RRAS2: variants seen among roughly 807,000 people sequenced by gnomAD.
RRAS2 encodes ras-related protein R-Ras2.
A neutral mutation model predicts 27.6 loss-of-function variants in RRAS2; 7 were observed. The observed-to-expected ratio is 0.25, with a 90% CI of 0.14 to 0.48. The LOEUF (loss-of-function observed/expected upper bound fraction) is 0.48, where lower values mean the gene tolerates loss of function less well. Among genes scored for constraint, RRAS2 ranks in the 20% least tolerant of loss-of-function variants. The pLI, the probability that RRAS2 is intolerant of heterozygous loss-of-function variation, is 0.99. For missense variants in RRAS2, 178 were observed against 256.2 expected, an observed-to-expected ratio of 0.69 and a Z score of 2.08; for synonymous variants, 86 against 90.9, an observed-to-expected ratio of 0.95 and a Z score of 0.31.
chr11:14,358,371 G>A lies in RRAS2; in HGVS notation c.108+392C>T, dbSNP rs868977984. ...GGTGAAGGCGCGGCCGCAGGCGGCT[G>A]GAAAAGCAGCGCGCGGGGCTCCAGC... On this transcript the variant is annotated intron_variant, in intron 1 of 5. Coordinates refer to ENST00000256196, the MANE Select transcript of RRAS2 (RefSeq NM_012250.6). This position sits in a 1 kb window ranked among gnomAD's most constrained non-coding sequence, Gnocchi z 5.1. 5 of 985,290 alleles carry A rather than the reference G, an allele frequency of 5.1e-6. No homozygotes were observed. The highest frequency in any genetic ancestry group is 5.2e-4 in the Middle Eastern group (1 of 1,936). The allele number at this position is 985,290 out of a possible 1,614,324, so 61.0% of individuals were successfully genotyped here.
intron 2 of RRAS2, among the ~76,000 whole-genome samples, chr11:14,295,093 A>C (rs1847509777): frequency 6.6e-6 from 1 of 152,228 alleles, no homozygotes; most frequent in African/African-American, 2.4e-5. Context: ...GTTAGAATAT[A>C]TTAGCACACT....
chr11:14,294,229 T>C (rs899179057), intron 4 of RRAS2, among the ~76,000 whole-genome samples: 10 of 152,242 alleles, frequency 6.6e-5, no homozygotes, highest in African/African-American at 2.2e-4. Context: ...TAAAGTCTTA[T>C]AAAATTTTAT....
At position 14,329,900 on chromosome 11, in the gene RRAS2, T is replaced by C. The variant is rs1431375; in HGVS notation, c.108+28863A>G. ...GCCTGAGCAACATAGTGAGACTTCA[T>C]CTCTATAAATAAAAATAAAAATAAA... On this transcript the variant is annotated intron_variant, in intron 1 of 5. Transcript: ENST00000256196. 9.0e-3 allele frequency among the ~76,000 whole-genome samples: 1,366 copies of C among 152,036 alleles called. 54 individuals are homozygous for C. In the East Asian group the frequency reaches 0.11, roughly 12 times the overall value.
chr11:14,325,594 C>T (rs966947979), intron 1 of RRAS2, among the ~76,000 whole-genome samples: 1 of 152,122 alleles, frequency 6.6e-6, no homozygotes, highest in Non-Finnish European at 1.5e-5. Context: ...CCACCGTGCC[C>T]GGCTTCCTTT....
intron 4 of RRAS2, among the ~76,000 whole-genome samples, chr11:14,290,483 C>CATCTCAATTTCATGCTATAGT (rs1554945674): frequency 6.6e-6 from 1 of 152,130 alleles, no homozygotes; most frequent in Non-Finnish European, 1.5e-5. Context: ...TCTACTATAG[C>CATCTCAATTTCATGCTATAGT]ATCTCAATTT....
intron 4 of RRAS2, among the ~76,000 whole-genome samples, chr11:14,286,164 C>A (rs1012811796): frequency 2.0e-5 from 3 of 152,074 alleles, no homozygotes; most frequent in African/African-American, 7.2e-5. Flanking sequence ...TGTCTCTGTC[C>A]ACTAATTCTA....
At chr11:14,285,812 T>C (rs1474893050) in intron 4 of RRAS2, among the ~76,000 whole-genome samples, 7 of 152,228 alleles carry the variant, frequency 4.6e-5, no homozygotes, top group African/African-American at 1.4e-4. Context: ...GCCATCCTTA[T>C]CTTTGTTCTT....
upstream of RRAS2, among the ~76,000 whole-genome samples, chr11:14,360,345 G>T (rs1255391370): frequency 6.6e-6 from 1 of 151,976 alleles, no homozygotes; most frequent in Non-Finnish European, 1.5e-5. Context: ...CTGCGTGAGA[G>T]ACCCCAAGCA....
intron 1 of RRAS2, among the ~76,000 whole-genome samples, chr11:14,352,836 C>T (rs1848993089): frequency 6.7e-6 from 1 of 149,426 alleles, no homozygotes; most frequent in Non-Finnish European, 1.5e-5. Context: ...TGCTGTGTTG[C>T]CCAGGCTGGA....
intron 1 of RRAS2, among the ~76,000 whole-genome samples, chr11:14,306,737 C>T (rs556030927): frequency 1.3e-5 from 2 of 152,132 alleles, no homozygotes; most frequent in South Asian, 4.2e-4. Flanking sequence ...CCTCTAACAC[C>T]CCATTCCCTA....
chr11:14,309,948 C>T (rs1847922176), intron 1 of RRAS2, among the ~76,000 whole-genome samples: 1 of 152,060 alleles, frequency 6.6e-6, no homozygotes, highest in Non-Finnish European at 1.5e-5. Context: ...GATTATAGGT[C>T]AAGGGTGAAA....
At chr11:14,317,577 T>C (rs1218678319) in intron 1 of RRAS2, among the ~76,000 whole-genome samples, 1 of 152,148 alleles carries the variant, frequency 6.6e-6, no homozygotes, top group Non-Finnish European at 1.5e-5. Flanking sequence ...CGAAACTCCA[T>C]CCCAAAATAA....
chr11:14,335,034 C>T (rs16913833), intron 1 of RRAS2, among the ~76,000 whole-genome samples: 2 of 152,178 alleles, frequency 1.3e-5, no homozygotes, highest in Non-Finnish European at 1.5e-5. Flanking sequence ...TCCAAACTTA[C>T]AATTTTCACC....
At chr11:14,284,168 G>C (rs1849608571) in intron 4 of RRAS2, among the ~76,000 whole-genome samples, 1 of 151,920 alleles carries the variant, frequency 6.6e-6, no homozygotes, top group Non-Finnish European at 1.5e-5. Flanking sequence ...CAAATATTTA[G>C]TGCTACAAAT....
intron 1 of RRAS2, among the ~76,000 whole-genome samples, chr11:14,349,928 A>G (rs1554954537): frequency 1.3e-5 from 2 of 152,132 alleles, no homozygotes. Context: ...TTTGCTGCTT[A>G]TATACTCAGT....
intron 4 of RRAS2, among the ~76,000 whole-genome samples, chr11:14,292,658 CTTAA>C (rs1440587382): frequency 1.8e-4 from 27 of 152,018 alleles, no homozygotes; most frequent in Admixed American, 7.2e-4. Context: ...ATGCCATATT[CTTAA>C]TTATTTCAAA....
intron 1 of RRAS2, among the ~76,000 whole-genome samples, chr11:14,344,230 T>A (rs1174039919): frequency 7.2e-5 from 11 of 152,222 alleles, no homozygotes; most frequent in Non-Finnish European, 1.6e-4. Flanking sequence ...ATAATTCATG[T>A]AGTACTCAAG....
chr11:14,279,819 G>A (rs565026916), intron 5 of RRAS2, among the ~76,000 whole-genome samples: 2 of 152,306 alleles, frequency 1.3e-5, no homozygotes, highest in South Asian at 2.1e-4. Context: ...TTCAGTATTA[G>A]ACAAAGTTAG....
chr11:14,283,598 C>A (rs1554944644), intron 4 of RRAS2, among the ~76,000 whole-genome samples: 1 of 152,102 alleles, frequency 6.6e-6, no homozygotes, highest in Non-Finnish European at 1.5e-5. Flanking sequence ...TAAAGTACTA[C>A]TGATATTATC....
Sources: gnomAD v4.1 joint callset for allele counts (sites outside exome capture counted in the v4.1 genomes callset) on GRCh38, gnomAD v4.1.1 for gene constraint, Gnocchi (gnomAD v3.1) non-coding constraint, MANE v1.5 for transcripts, NCBI Gene and HGNC (gene_info 2026-07-23, HGNC 2026-07-21) for gene names.